The following GAL3ST1 variants were observed in gnomAD, a reference collection of about 807,000 sequenced individuals.
GAL3ST1 encodes the protein galactose-3-O-sulfotransferase 1.
GAL3ST1 carries 13 observed loss-of-function variants against 25.0 expected under a neutral mutation model. The ratio of observed to expected loss-of-function variants is 0.52; its 90% CI spans 0.34 to 0.83. The LOEUF (loss-of-function observed/expected upper bound fraction) is 0.83, where lower values mean the gene tolerates loss of function less well. GAL3ST1 is among the 40% of genes least tolerant of loss of function. The pLI is 0.02. For missense variants in GAL3ST1, 474 were observed against 613.6 expected, an observed-to-expected ratio of 0.77 and a Z score of 2.40; for synonymous variants, 274 against 277.8, an observed-to-expected ratio of 0.99 and a Z score of 0.14.
rs764871537 is a variant in GAL3ST1 at position 30,555,300 on chromosome 22, G to T, written c.925C>A (p.Arg309Ser). ...CGCCAGAAGCTGGCGTTGAAGTGGC[G>T]GTAGAGGTGGGAGTCCAGCATGTTC... is the stretch of plus-strand genomic sequence containing the variant. ...AWNMLDSHLY[R>S]HFNASFWRKV... Residue 309 changes from arginine to serine, a missense_variant, in exon 4 of 4, where the codon CGC becomes AGC. Physicochemically the swap from Arg to Ser is moderately radical, Grantham distance 110. This residue lies in a region of GAL3ST1 where 359 missense variants were observed against 504.4 expected (regional missense o/e 0.71). Coordinates refer to ENST00000406361, the MANE Select transcript of GAL3ST1 (RefSeq NM_001318104.2). The surrounding 1 kb of genome is among the most constrained non-coding windows in gnomAD (Gnocchi z 8.6). 6.2e-7 allele frequency: 1 copy of T among 1,600,974 alleles called. No individual in the cohort carries two copies. Among genetic ancestry groups the T allele is most frequent in the East Asian group, 2.2e-5 (1 of 44,708 alleles).
At chr22:30,567,967 G>T (rs1273984693) in intron 1 of GAL3ST1, among the ~76,000 whole-genome samples, 1 of 152,218 alleles carries the variant, frequency 6.6e-6, no homozygotes, top group Non-Finnish European at 1.5e-5. Flanking sequence ...ACAGACGTGA[G>T]CCACCGCGCC....
chr22:30,569,301 C>A (rs1320474430), intron 1 of GAL3ST1, among the ~76,000 whole-genome samples: 1 of 152,054 alleles, frequency 6.6e-6, no homozygotes, highest in Non-Finnish European at 1.5e-5. Context: ...TACAGCTGTG[C>A]AGGTGTGACC....
chr22:30,570,694 G>A (rs1302038267), intron 1 of GAL3ST1, among the ~76,000 whole-genome samples: 2 of 152,042 alleles, frequency 1.3e-5, no homozygotes, highest in African/African-American at 4.8e-5. Flanking sequence ...GCTGAGGCAG[G>A]AGAATCACTT....
At chr22:30,567,102 A>G (rs1020622722) in intron 1 of GAL3ST1, among the ~76,000 whole-genome samples, 1 of 152,068 alleles carries the variant, frequency 6.6e-6, no homozygotes, top group African/African-American at 2.4e-5. Context: ...GATTACAGAC[A>G]TGCACCATGG....
In GAL3ST1 at chr22:30,554,910, T is replaced by C; in HGVS notation, c.*43A>G. 1 of 1,452,686 alleles carries C rather than the reference T, an allele frequency of 6.9e-7. No individual in the cohort carries two copies. The highest frequency in any genetic ancestry group is 9.3e-7 in the Non-Finnish European group (1 of 1,072,494). The allele number at this position is 1,452,686 out of a possible 1,614,324, so 90.0% of individuals were successfully genotyped here. ...CCAGCGGCGTCCTGCTCAGCCCCTC[T>C]GCAGGGAGCGAGCAGGCAGGCAAGC... On this transcript the variant is annotated 3_prime_UTR_variant, in exon 4 of 4. Transcript: ENST00000406361.
intron 1 of GAL3ST1, among the ~76,000 whole-genome samples, chr22:30,570,384 T>C (rs1278665238): frequency 6.6e-6 from 1 of 151,844 alleles, no homozygotes; most frequent in African/African-American, 2.4e-5. Context: ...AAAGATAATC[T>C]AACAATCAAT....
chr22:30,554,903 G>A lies in GAL3ST1; in HGVS notation c.*50C>T. 1 of 1,398,862 alleles carries A rather than the reference G, an allele frequency of 7.1e-7. No homozygotes were observed. The highest frequency in any genetic ancestry group is 9.7e-7 in the Non-Finnish European group (1 of 1,034,094). 86.7% of individuals were successfully genotyped at this position (1,398,862 alleles called of 1,614,324 possible). ...GCCAGCACCAGCGGCGTCCTGCTCAGCCCCTCTGCAGGGAGCGAGCAGGCA... is the reference window on the plus strand; with the variant it reads ...GCCAGCACCAGCGGCGTCCTGCTCAACCCCTCTGCAGGGAGCGAGCAGGCA... On this transcript the variant is annotated 3_prime_UTR_variant, in exon 4 of 4. Transcript: ENST00000406361.
rs749432249 is a variant in GAL3ST1, at chr22:30,556,098, T to G, written c.132-5A>C. On this transcript the variant is annotated splice_region_variant and splice_polypyrimidine_tract_variant and intron_variant, in intron 3 of 3. Coordinates refer to ENST00000406361, the MANE Select transcript of GAL3ST1 (RefSeq NM_001318104.2). ...GACGCTGCGGCCTCCGGGGTCCTGC[T>G]GGGGACAGAGAGGTGGGGAGAGCCT... The G allele has an allele frequency of 6.3e-7, 1 of 1,598,054 alleles. No individual in the cohort carries two copies. Among genetic ancestry groups the G allele is most frequent in the Non-Finnish European group, 8.5e-7 (1 of 1,175,164 alleles).
Position 30,556,034 on chromosome 22 carries a change from C to T in GAL3ST1, c.191G>A (p.Arg64Gln), listed in dbSNP as rs527978474. Residue 64 changes from arginine (R) to glutamine (Q), a missense_variant, in exon 4 of 4, where the codon CGG (arginine) becomes CAG (glutamine). Transcript: ENST00000406361. ...GCACTCCCCCGCCGAGCCGTTGGCCCGGATCACTGCCTCTGGCTCGAGTGC... is the reference window on the plus strand; with the variant it reads ...GCACTCCCCCGCCGAGCCGTTGGCCTGGATCACTGCCTCTGGCTCGAGTGC... The part of the protein sequence containing the change: ...PPALEPEAVI[R>Q]ANGSAGECQP... The T allele has an allele frequency of 8.7e-6, 14 of 1,612,770 alleles. No homozygotes were observed. In the East Asian group the frequency reaches 2.0e-4, roughly 23 times the overall value.
chr22:30,556,594 C>T (rs572582935), intron 3 of GAL3ST1, among the ~76,000 whole-genome samples: 5 of 152,270 alleles, frequency 3.3e-5, no homozygotes, highest in Admixed American at 1.3e-4. Context: ...CAGACCGACC[C>T]GTTTGAATCC....
At chr22:30,568,815 C>A (rs1233561340) in intron 1 of GAL3ST1, among the ~76,000 whole-genome samples, 1 of 151,880 alleles carries the variant, frequency 6.6e-6, no homozygotes, top group African/African-American at 2.4e-5. Context: ...GTGGCTCACG[C>A]CTGTAATACC....
chr22:30,562,966 A>G (rs1394246130), intron 1 of GAL3ST1, among the ~76,000 whole-genome samples: 1 of 152,120 alleles, frequency 6.6e-6, no homozygotes, highest in Non-Finnish European at 1.5e-5. Context: ...GATACAAAAA[A>G]TTAGCCGGGT....
rs1601997199 is a variant in GAL3ST1, at chr22:30,574,626, C to T, written c.-280G>A. 6.9e-6 allele frequency: 1 copy of T among 145,450 alleles called. No homozygotes were observed. The allele number at this position is 145,450 out of a possible 1,614,324, so 9.0% of individuals were successfully genotyped here. On this transcript the variant is annotated 5_prime_UTR_variant, in exon 1 of 4. Coordinates refer to ENST00000406361, the MANE Select transcript of GAL3ST1 (RefSeq NM_001318104.2). Reference sequence around the variant, plus strand: ...GCCGCTGCCGCGCCGCGCCCGCTCCCGCGCCGCGCCCGCTCCCGGCCAGGT... The same window carrying T: ...GCCGCTGCCGCGCCGCGCCCGCTCCTGCGCCGCGCCCGCTCCCGGCCAGGT...
At chr22:30,558,822 A>G (rs756513577) in intron 1 of GAL3ST1, among the ~76,000 whole-genome samples, 9 of 152,242 alleles carry the variant, frequency 5.9e-5, no homozygotes, top group Non-Finnish European at 1.2e-4. Context: ...TTTTTACAGT[A>G]TAAGTATATT....
intron 1 of GAL3ST1, among the ~76,000 whole-genome samples, chr22:30,574,178 A>G (rs1323696239): frequency 3.3e-5 from 5 of 151,826 alleles, no homozygotes; most frequent in African/African-American, 4.8e-5. Context: ...CTTCTGCCCC[A>G]CCCATCCCAC....
At position 30,555,897 on chromosome 22, in the gene GAL3ST1, T is replaced by C; in HGVS notation, c.328A>G (p.Asn110Asp). 1 of 1,614,104 alleles carries C rather than the reference T, an allele frequency of 6.2e-7. No individual in the cohort carries two copies. Among genetic ancestry groups the C allele is most frequent in the Non-Finnish European group, 8.5e-7 (1 of 1,180,000 alleles). Residue 110 changes from asparagine (N) to aspartate (D), a missense_variant, in exon 4 of 4, where the codon AAC (asparagine) becomes GAC (aspartate). Around this residue, in one of 2 missense-constraint regions of GAL3ST1, gnomAD observed 359 missense variants for 504.4 expected, o/e 0.71. Coordinates refer to ENST00000406361, the MANE Select transcript of GAL3ST1 (RefSeq NM_001318104.2). This position sits in a 1 kb window ranked among gnomAD's most constrained non-coding sequence, Gnocchi z 8.6. ...GGGTAGTCGAAGTCATTGCGGCCGT[T>C]AGGGAAGGCGAACTTGAGCCGGTGC... ...QKHRLKFAFPNGRNDFDYPTF... is the reference protein window; with the variant it reads ...QKHRLKFAFPDGRNDFDYPTF...
At chr22:30,564,807 C>T (rs1341932943) in intron 1 of GAL3ST1, 1 of 152,268 alleles carries the variant, frequency 6.6e-6, no homozygotes, top group East Asian at 1.9e-4. Flanking sequence ...TGTGGTGGAG[C>T]AAAAGAGACA....
Position 30,557,241 on chromosome 22 carries a change from C to T in GAL3ST1, c.131+21G>A, listed in dbSNP as rs1019139223. On this transcript the variant is annotated intron_variant, in intron 3 of 3. Transcript: ENST00000406361. ...TCCCTCCCCCACCTACACCCATCATCTGCCCAGCTGGGCCACTCACGTGGA... is the reference window on the plus strand; with the variant it reads ...TCCCTCCCCCACCTACACCCATCATTTGCCCAGCTGGGCCACTCACGTGGA... 18 of 1,613,092 alleles carry T rather than the reference C, an allele frequency of 1.1e-5. No homozygotes were observed. In the African/African-American group the frequency reaches 2.3e-4, roughly 20 times the overall value.
chr22:30,555,039 G>A lies in GAL3ST1; in HGVS notation c.1186C>T (p.Pro396Ser). ...HAQLCRRMLT[P>S]EIQYLMDLGA... ...AGGTCCATCAGGTACTGGATCTCGG[G>A]CGTGAGCATGCGCCGGCAGAGCTGC... The change falls in exon 4 of 4, where the codon CCC becomes TCC. Residue 396 changes from proline (P) to serine (S), a missense_variant. Physicochemically the swap from Pro to Ser is moderately conservative, Grantham distance 74. Coordinates refer to ENST00000406361, the MANE Select transcript of GAL3ST1 (RefSeq NM_001318104.2). The surrounding 1 kb of genome is among the most constrained non-coding windows in gnomAD (Gnocchi z 8.6). The A allele has an allele frequency of 1.2e-6, 2 of 1,611,648 alleles. No homozygotes were observed. Among genetic ancestry groups the A allele is most frequent in the Non-Finnish European group, 1.7e-6 (2 of 1,178,728 alleles).
Sources: gnomAD v4.1 joint callset for allele counts (sites outside exome capture counted in the v4.1 genomes callset) on GRCh38, gnomAD v4.1.1 for gene constraint, gnomAD v4.1.1 regional missense constraint, Gnocchi (gnomAD v3.1) non-coding constraint, MANE v1.5 for transcripts, NCBI Gene and HGNC (gene_info 2026-07-23, HGNC 2026-07-21) for gene names.